Variants in TENM3 observed in about 807,000 individuals in gnomAD.
TENM3 encodes the protein teneurin transmembrane protein 3.
Under a neutral mutation model 255.1 loss-of-function variants are expected in TENM3, and 63 were observed. The observed-to-expected ratio is 0.25, with a 90% CI of 0.20 to 0.30. The LOEUF (loss-of-function observed/expected upper bound fraction) is 0.30, where lower values mean the gene tolerates loss of function less well. Ranked by LOEUF, TENM3 falls within the 10% of genes least tolerant of loss-of-function variation. TENM3 has a pLI of 1.00. For missense variants in TENM3, 2,929 were observed against 3,461.1 expected, an observed-to-expected ratio of 0.85 and a Z score of 3.86; for synonymous variants, 1,306 against 1,322.3, an observed-to-expected ratio of 0.99 and a Z score of 0.27.
intron 3 of TENM3, among the ~76,000 whole-genome samples, chr4:182,360,855 G>C (rs1182038872): frequency 6.6e-6 from 1 of 152,116 alleles, no homozygotes; most frequent in Admixed American, 6.5e-5. Flanking sequence ...TGCAGTGGCT[G>C]GTACTAGTTG....
At chr4:182,083,930 A>G in the TENM3 span, among the ~76,000 whole-genome samples, 1 of 152,170 alleles carries the variant, frequency 6.6e-6, no homozygotes, top group South Asian at 2.1e-4. Context: ...AGAGAACCCC[A>G]AAGCAGCTGT....
the TENM3 span, among the ~76,000 whole-genome samples, chr4:182,067,895 T>G: frequency 6.6e-6 from 1 of 152,322 alleles, no homozygotes; most frequent in African/African-American, 2.4e-5. Flanking sequence ...ATTTTTTTTT[T>G]CCAGTGCAGT....
the TENM3 span, among the ~76,000 whole-genome samples, chr4:181,588,472 A>G: frequency 1.3e-5 from 2 of 152,168 alleles, no homozygotes; most frequent in South Asian, 4.1e-4. Context: ...TATTGTCATT[A>G]TCACCCCGAA....
At chr4:182,763,937 C>T (rs1158438655) in intron 22 of TENM3, among the ~76,000 whole-genome samples, 1 of 152,134 alleles carries the variant, frequency 6.6e-6, no homozygotes, top group Non-Finnish European at 1.5e-5. Flanking sequence ...CTCATTCACC[C>T]CTTACTAATT....
chr4:181,510,401 A>G, the TENM3 span, among the ~76,000 whole-genome samples: 2 of 152,176 alleles, frequency 1.3e-5, no homozygotes, highest in African/African-American at 2.4e-5. Flanking sequence ...TCCCCCTGCT[A>G]TCCTCAGAGC....
intron 3 of TENM3, among the ~76,000 whole-genome samples, chr4:182,589,377 T>C (rs543023861): frequency 3.4e-4 from 52 of 152,188 alleles, no homozygotes; most frequent in African/African-American, 1.2e-3. Context: ...ATTTTTCCTA[T>C]GTACAGACAT....
chr4:181,817,553 A>G, the TENM3 span, among the ~76,000 whole-genome samples: 3 of 152,184 alleles, frequency 2.0e-5, no homozygotes, highest in East Asian at 3.9e-4. Flanking sequence ...GTTCCCCAAA[A>G]TTTATGCCTT....
At chr4:182,156,169 A>G (rs1276285840) in intron 1 of TENM3, among the ~76,000 whole-genome samples, 2 of 152,142 alleles carry the variant, frequency 1.3e-5, no homozygotes, top group Admixed American at 1.3e-4. Context: ...AGTCATTATG[A>G]CAGTGGTTAT....
At chr4:182,313,596 T>C (rs1762574200) in intron 1 of TENM3, among the ~76,000 whole-genome samples, 1 of 152,138 alleles carries the variant, frequency 6.6e-6, no homozygotes, top group Non-Finnish European at 1.5e-5. Context: ...GCAATTATTA[T>C]TTTTTGTCTT....
chr4:181,513,384 A>G, the TENM3 span, among the ~76,000 whole-genome samples: 1 of 152,210 alleles, frequency 6.6e-6, no homozygotes, highest in Non-Finnish European at 1.5e-5. Context: ...TTTACCAGCC[A>G]GAAGCAGAAC....
intron 2 of TENM3, among the ~76,000 whole-genome samples, chr4:182,334,485 T>C (rs1006663626): frequency 6.6e-5 from 10 of 152,138 alleles, no homozygotes; most frequent in African/African-American, 2.4e-4. Context: ...TTCAAATTTC[T>C]GGAAATAGCC....
chr4:182,149,181 C>T (rs1440404359), intron 1 of TENM3, among the ~76,000 whole-genome samples: 6 of 151,766 alleles, frequency 4.0e-5, no homozygotes, highest in African/African-American at 2.4e-5. Flanking sequence ...GGTGTTTTTC[C>T]AGCTTAAGAC....
At chr4:181,913,201 C>T in the TENM3 span, among the ~76,000 whole-genome samples, 7 of 152,058 alleles carry the variant, frequency 4.6e-5, no homozygotes, top group South Asian at 2.1e-4. Flanking sequence ...TGTGCACTAA[C>T]GCAGAAGCCG....
the TENM3 span, among the ~76,000 whole-genome samples, chr4:181,472,172 C>T: frequency 6.6e-6 from 1 of 152,058 alleles, no homozygotes; most frequent in African/African-American, 2.4e-5. Flanking sequence ...CCTGCCCAGA[C>T]CTGTCCAAAA....
chr4:181,453,900 G>A, the TENM3 span, among the ~76,000 whole-genome samples: 1 of 152,084 alleles, frequency 6.6e-6, no homozygotes, highest in African/African-American at 2.4e-5. Context: ...AAGGTCCTGG[G>A]TTTAAAATGT....
the TENM3 span, among the ~76,000 whole-genome samples, chr4:181,693,406 T>G: frequency 0.43 from 66,065 of 152,042 alleles, 16,944 homozygotes; most frequent in Non-Finnish European, 0.57. Context: ...GGTGTGTTAA[T>G]TACCACTGAC....
chr4:181,500,318 C>T, the TENM3 span, among the ~76,000 whole-genome samples: 23 of 149,608 alleles, frequency 1.5e-4, no homozygotes, highest in Non-Finnish European at 1.9e-4. Context: ...TGTGAGCCAC[C>T]GCACCCGGCC....
At chr4:181,607,342 C>T in the TENM3 span, among the ~76,000 whole-genome samples, 176 of 152,154 alleles carry the variant, frequency 1.2e-3, no homozygotes, top group African/African-American at 3.9e-3. Flanking sequence ...CTATGGAGCA[C>T]TTGAGATGCA....
intron 22 of TENM3, among the ~76,000 whole-genome samples, chr4:182,766,811 A>C (rs1272233194): frequency 6.6e-6 from 1 of 152,134 alleles, no homozygotes; most frequent in Admixed American, 6.5e-5. Context: ...AGCACGGGTC[A>C]GAATTTGCCC....
Sources: allele counts gnomAD v4.1 joint callset (sites outside exome capture counted in the v4.1 genomes callset), GRCh38; gene constraint gnomAD v4.1.1; transcripts MANE v1.5; gene names NCBI Gene and HGNC (gene_info 2026-07-23, HGNC 2026-07-21).